FHL1: variants seen among roughly 807,000 people sequenced by gnomAD.
FHL1 encodes four and a half LIM domains 1.
A neutral mutation model predicts 20.3 loss-of-function variants in FHL1; 1 was observed. That is an observed-to-expected ratio of 0.05 (90% CI 0.02 to 0.23). FHL1 has a LOEUF of 0.23. FHL1 is among the 10% of genes least tolerant of loss of function. The pLI, the probability that FHL1 is intolerant of heterozygous loss-of-function variation, is 1.00. For synonymous variants in FHL1, 82 were observed against 88.9 expected (o/e 0.92, Z 0.44); for missense variants, 177 against 234.0 (o/e 0.76, Z 1.59).
upstream of FHL1, among the ~76,000 whole-genome samples, chrX:136,165,369 C>A: frequency 8.9e-6 from 1 of 112,039 alleles, no homozygotes; most frequent in Non-Finnish European, 1.9e-5. Flanking sequence ...TTGTATTTAT[C>A]ATTGCCTTTT....
intron 1 of FHL1, among the ~76,000 whole-genome samples, chrX:136,158,731 A>G (rs2072488939): frequency 9.0e-6 from 1 of 111,672 alleles, no homozygotes; most frequent in South Asian, 3.8e-4. Context: ...AAAGTTGAAT[A>G]TACTTGCTGG....
intron 3 of FHL1, 101 bp from the exon 4 acceptor site, chrX:136,207,691 C>T: frequency 1.1e-6 from 1 of 911,962 alleles, no homozygotes; most frequent in Admixed American, 2.3e-5. Context: ...ACTGCAGGGC[C>T]TGCATCCCCT....
At chrX:136,190,511 G>A (rs1234603151) in intron 2 of FHL1, among the ~76,000 whole-genome samples, 2 of 111,610 alleles carry the variant, frequency 1.8e-5, no homozygotes, top group Non-Finnish European at 3.8e-5. Context: ...GCGGCCTCTC[G>A]AACCAGAGTA....
At chrX:136,156,611 A>G (rs2072427443) in intron 1 of FHL1, among the ~76,000 whole-genome samples, 2 of 111,752 alleles carry the variant, frequency 1.8e-5, no homozygotes, top group African/African-American at 6.5e-5. Flanking sequence ...AACAGTCACA[A>G]GGTTTTAAAT....
chrX:136,206,733 C>T, intron 2 of FHL1, 145 bp downstream of exon 2: 1 of 827,898 alleles, frequency 1.2e-6, no homozygotes, highest in East Asian at 3.2e-5. Flanking sequence ...CCTCCACTCC[C>T]CAGGCCACAG....
chrX:136,178,455 G>A (rs1375456193), intron 2 of FHL1, among the ~76,000 whole-genome samples: 1 of 111,443 alleles, frequency 9.0e-6, no homozygotes, highest in African/African-American at 3.3e-5. Flanking sequence ...CTTAGGCTGG[G>A]TGCAGTGGCT....
chrX:136,192,680 T>C (rs1344632127), upstream of FHL1, among the ~76,000 whole-genome samples: 1 of 112,219 alleles, frequency 8.9e-6, no homozygotes, highest in African/African-American at 3.2e-5. Flanking sequence ...GGACCTTACA[T>C]GACCAAATCC....
At chrX:136,150,442 G>A (rs2148257096) in intron 1 of FHL1, among the ~76,000 whole-genome samples, 1 of 111,413 alleles carries the variant, frequency 9.0e-6, no homozygotes, top group African/African-American at 3.3e-5. Context: ...CTGCTTGCTC[G>A]AACTTGAGGC....
chrX:136,149,766 C>T (rs2072215529), intron 1 of FHL1, among the ~76,000 whole-genome samples: 1 of 111,014 alleles, frequency 9.0e-6, no homozygotes, highest in Admixed American at 9.6e-5. Flanking sequence ...ATGAATCGAC[C>T]GCTAAAACAA....
rs1471857649 is a variant in FHL1 at position 136,208,327 on chromosome X, C to T, written c.550-128C>T. The T allele has an allele frequency of 4.2e-6, 3 of 721,957 alleles. No homozygotes were observed. The Admixed American group carries it at 6.8e-5, about 16-fold the overall frequency. The allele number at this position is 721,957 out of a possible 1,213,427, so 59.5% of individuals were successfully genotyped here. ...GTGGGGATAATAATAGCCCCTGCCT[C>T]CCATGGCTGTTGTGGAGATTAAATG... On this transcript the variant is annotated intron_variant, in intron 4 of 5. Transcript: ENST00000370683.
At chrX:136,159,138 TA>T (rs112840298) in intron 1 of FHL1, among the ~76,000 whole-genome samples, 78 of 92,606 alleles carry the variant, frequency 8.4e-4, no homozygotes, top group African/African-American at 2.1e-3. Context: ...CTAAAACTGC[TA>T]AAAAAAAAAA....
At chrX:136,186,362 A>T (rs1381715537) in intron 2 of FHL1, among the ~76,000 whole-genome samples, 1 of 111,217 alleles carries the variant, frequency 9.0e-6, no homozygotes, top group Non-Finnish European at 1.9e-5. Context: ...AACAAAAACA[A>T]TGTGCCATTT....
chrX:136,198,161 T>C (rs867849680), intron 1 of FHL1, among the ~76,000 whole-genome samples: 4 of 104,913 alleles, frequency 3.8e-5, no homozygotes, highest in African/African-American at 1.1e-4. Context: ...TTTTTTTTTT[T>C]CCAACCCTCA....
At chrX:136,190,376 G>C (rs1406514490) in intron 2 of FHL1, among the ~76,000 whole-genome samples, 1 of 112,058 alleles carries the variant, frequency 8.9e-6, no homozygotes, top group Non-Finnish European at 1.9e-5. Context: ...ATCCAACCTA[G>C]TCCATATCTC....
At chrX:136,159,957 T>A (rs1465786543) in intron 1 of FHL1, among the ~76,000 whole-genome samples, 2 of 112,673 alleles carry the variant, frequency 1.8e-5, no homozygotes, top group South Asian at 7.3e-4. Context: ...AAGGCTATTA[T>A]TGCATGGCTT....
rs2073876981 is a variant in FHL1 at position 136,207,548 on chromosome X, GGTGGGGGA to G, written c.380-235_380-228del. 6.9e-6 allele frequency: 3 copies of G among 437,215 alleles called. No homozygotes were observed. The African/African-American group carries it at 7.5e-5, about 11-fold the overall frequency. The allele number at this position is 437,215 out of a possible 1,213,427, so 36.0% of individuals were successfully genotyped here. A position where few individuals can be genotyped will look rare whatever the true frequency, so the allele number is the denominator to read the frequency against. On this transcript the variant is annotated intron_variant, in intron 3 of 5. Transcript: ENST00000370683. ...TGTCTAAGTGCACGCAGGGTATAGA[GGTGGGGGA>G]GTGGGGGATTCAGGCACTGGATCCT...
rs2073912150 is a variant in FHL1, at chrX:136,208,516, G to T, written c.611G>T (p.Cys204Phe). Reference sequence around the variant, plus strand: ...CCCTGGCATGCCGATTGCTTTGTGTGTGTTACCTGCTCTAAGAAGCTGGCT... The same window carrying T: ...CCCTGGCATGCCGATTGCTTTGTGTTTGTTACCTGCTCTAAGAAGCTGGCT... ...DQPWHADCFVCVTCSKKLAGQ... is the reference protein window; with the variant it reads ...DQPWHADCFVFVTCSKKLAGQ... Residue 204 changes from cysteine to phenylalanine, a missense_variant, in exon 5 of 6, where the codon TGT becomes TTT. Physicochemically the swap from Cys to Phe is radical, Grantham distance 205. Coordinates refer to ENST00000370683, the MANE Select transcript of FHL1 (RefSeq NM_001159699.2). 1 of 1,210,004 alleles carries T rather than the reference G, an allele frequency of 8.3e-7. No individual in the cohort carries two copies. Among genetic ancestry groups the T allele is most frequent in the Non-Finnish European group, 1.1e-6 (1 of 895,192 alleles).
At chrX:136,195,234 T>C (rs762437014), upstream of FHL1, among the ~76,000 whole-genome samples, 2 of 112,506 alleles carry the variant, frequency 1.8e-5, no homozygotes, top group East Asian at 5.6e-4. Flanking sequence ...GAAACAGGAA[T>C]TGACTTCCTA....
At chrX:136,156,478 C>G (rs1003132314) in intron 1 of FHL1, among the ~76,000 whole-genome samples, 1 of 110,767 alleles carries the variant, frequency 9.0e-6, no homozygotes, top group African/African-American at 3.3e-5. Context: ...GACGGGGTTT[C>G]ACTGTGTTGG....
Sources: allele counts gnomAD v4.1 joint callset (sites outside exome capture counted in the v4.1 genomes callset), GRCh38; gene constraint gnomAD v4.1.1; transcripts MANE v1.5; gene names NCBI Gene and HGNC (gene_info 2026-07-23, HGNC 2026-07-21).